The following NELFA variants were observed in gnomAD, a reference collection of about 807,000 sequenced individuals.
NELFA encodes negative elongation factor complex member A.
A neutral mutation model predicts 51.8 loss-of-function variants in NELFA; 35 were observed. The observed-to-expected ratio is 0.68, with a 90% CI of 0.52 to 0.90. NELFA has a LOEUF of 0.90. NELFA is among the 40% of genes least tolerant of loss of function. The pLI, the probability that NELFA is intolerant of heterozygous loss-of-function variation, is 0.00. For missense variants in NELFA, 658 were observed against 746.4 expected, an observed-to-expected ratio of 0.88 and a Z score of 1.38; for synonymous variants, 417 against 338.4, an observed-to-expected ratio of 1.23 and a Z score of -2.55.
chr4:1,985,843 G>A lies in NELFA; in HGVS notation c.857C>T (p.Pro286Leu), dbSNP rs762859564. 6 of 1,613,098 alleles carry A rather than the reference G, an allele frequency of 3.7e-6. No homozygotes were observed. The highest frequency in any genetic ancestry group is 2.2e-5 in the East Asian group (1 of 44,838). ...CTCCACCACCGTTTCCTCCTTGGCCGGCTTCTCCACCACCTCCGCATCTGT... is the reference window on the plus strand; with the variant it reads ...CTCCACCACCGTTTCCTCCTTGGCCAGCTTCTCCACCACCTCCGCATCTGT... ...KTLDAEVVEK[P>L]AKEETVVENA... The change falls in exon 7 of 11, where the codon CCG becomes CTG. Residue 286 changes from proline (P) to leucine (L), a missense_variant. By Grantham distance (98) the Pro-to-Leu change is moderately conservative (BLOSUM62 -3). Transcript: ENST00000382882.
Position 1,983,507 on chromosome 4 carries a change from C to CA in NELFA, c.1403-5dup. On this transcript the variant is annotated splice_polypyrimidine_tract_variant and splice_region_variant and intron_variant, in intron 10 of 10. Transcript: ENST00000382882. ...CCCTGCTCCTGGCACGGGTTCTCTG[C>CA]AGAGAGCAGGAGCTGCTGGGTGGGT... 6.2e-7 allele frequency: 1 copy of CA among 1,613,722 alleles called. No individual in the cohort carries two copies. The highest frequency in any genetic ancestry group is 8.5e-7 in the Non-Finnish European group (1 of 1,179,854).
chr4:1,989,841 C>T lies in NELFA; in HGVS notation c.411G>A (p.Leu137=). Residue 137 remains leucine (L), a synonymous_variant, in exon 3 of 11, where the codon CTG becomes CTA. Transcript: ENST00000382882. The surrounding 1 kb of genome is among the most constrained non-coding windows in gnomAD (Gnocchi z 4.8). The part of the protein sequence containing the change: ...KVGECEASAM[L]PLECQYLNKN... ...TGTTCAAGTACTGGCACTCCAGTGG[C>T]AGCATGGCAGACGCTTCACACTCAC... The T allele has an allele frequency of 3.1e-6, 5 of 1,614,040 alleles. No homozygotes were observed. Among genetic ancestry groups the T allele is most frequent in the Non-Finnish European group, 4.2e-6 (5 of 1,179,988 alleles).
chr4:1,987,558 A>C, intron 4 of NELFA: 1 of 220,082 alleles, frequency 4.5e-6, no homozygotes, highest in Admixed American at 5.9e-5. Context: ...CGAGCTGGGA[A>C]GGCCGAGAGC....
At chr4:2,005,793 C>T (rs756600137) in intron 1 of NELFA, among the ~76,000 whole-genome samples, 1 of 152,096 alleles carries the variant, frequency 6.6e-6, no homozygotes, top group East Asian at 1.9e-4. Flanking sequence ...CCATTTACAA[C>T]GGCATGGAAA....
chr4:1,986,571 G>T, intron 4 of NELFA, 169 bp from the exon 5 acceptor site: 1 of 1,052,588 alleles, frequency 9.5e-7, no homozygotes, highest in Non-Finnish European at 1.4e-6. Flanking sequence ...AAGGAGCAGG[G>T]GAACGCCTGG....
At chr4:1,992,860 C>T (rs1255753159) in intron 1 of NELFA, among the ~76,000 whole-genome samples, 1 of 152,216 alleles carries the variant, frequency 6.6e-6, no homozygotes, top group Non-Finnish European at 1.5e-5. Flanking sequence ...CTGCAGGACA[C>T]CCAGCTGCCC....
rs377387344 is a variant in NELFA at position 1,983,210 on chromosome 4, G to A, written c.*109C>T. 254 of 1,152,188 alleles carry A rather than the reference G, an allele frequency of 2.2e-4. No individual in the cohort carries two copies. Among genetic ancestry groups the A allele is most frequent in the Non-Finnish European group, 2.0e-4 (163 of 817,718 alleles). The allele number at this position is 1,152,188 out of a possible 1,614,324, so 71.4% of individuals were successfully genotyped here. On this transcript the variant is annotated 3_prime_UTR_variant, in exon 11 of 11. Transcript: ENST00000382882. ...CAGGCTGGGTCAGCAGCAGGGCGGC[G>A]GCCGGGGGACCTCGGGGGCCAGGTG...
chr4:1,991,680 G>T lies in NELFA; in HGVS notation c.246C>A (p.Ala82=), dbSNP rs1388296289. 2 of 1,611,638 alleles carry T rather than the reference G, an allele frequency of 1.2e-6. No individual in the cohort carries two copies. Among genetic ancestry groups the T allele is most frequent in the African/African-American group, 1.3e-5 (1 of 74,718 alleles). The change falls in exon 2 of 11, where the codon GCC becomes GCA. Residue 82 remains alanine, a synonymous_variant. Coordinates refer to ENST00000382882, the MANE Select transcript of NELFA (RefSeq NM_005663.5). ...KGALMEIIQL[A]SLDSDPWVLM... ...GCACCCAGGGGTCCGAGTCGAGGCT[G>T]GCGAGCTGGATGATCTCCATTAGGG... is the stretch of plus-strand genomic sequence containing the variant.
rs1728087770 is a variant in NELFA at position 1,986,156 on chromosome 4, C to T, written c.793G>A (p.Val265Ile). 2 of 1,557,042 alleles carry T rather than the reference C, an allele frequency of 1.3e-6. No homozygotes were observed. The highest frequency in any genetic ancestry group is 1.4e-5 in the African/African-American group (1 of 73,468). Residue 265 changes from valine to isoleucine, a missense_variant, in exon 6 of 11, where the codon GTT becomes ATT. Val to Ile is a conservative substitution (Grantham distance 29). Around this residue, in one of 3 missense-constraint regions of NELFA, gnomAD observed 371 missense variants for 448.3 expected, o/e 0.83. Transcript: ENST00000382882. ...CGCTTCGCCTCTCGGCCAGCGCCAA[C>T]CATATCCAGCTCAGAGATGTCCAGC... Reference protein sequence around the residue: ...KLLDISELDMVGAGREAKRRR... With the variant: ...KLLDISELDMIGAGREAKRRR...
chr4:1,986,032 C>T (rs938200010), intron 6 of NELFA, 82 bp downstream of exon 6: 61 of 1,461,400 alleles, frequency 4.2e-5, no homozygotes, highest in Non-Finnish European at 4.5e-5. Flanking sequence ...CCCTGCCCGC[C>T]GAGCGTGGGC....
rs1727949747 is a variant in NELFA, at chr4:1,983,269, A to G, written c.*50T>C. The G allele has an allele frequency of 3.2e-6, 5 of 1,563,466 alleles. No homozygotes were observed. The African/African-American group carries it at 4.1e-5, about 13-fold the overall frequency. On this transcript the variant is annotated 3_prime_UTR_variant, in exon 11 of 11. Coordinates refer to ENST00000382882, the MANE Select transcript of NELFA (RefSeq NM_005663.5). ...CCGGTTACTTTAAGCTGGCAAAGCC[A>G]TCGTCCCGTGGACCCCCACAAGTGA...
intron 1 of NELFA, among the ~76,000 whole-genome samples, chr4:1,994,650 T>A (rs1446446486): frequency 3.3e-5 from 5 of 150,966 alleles, no homozygotes; most frequent in African/African-American, 7.3e-5. Flanking sequence ...GGTCAGGAGA[T>A]TGAGACCATC....
intron 1 of NELFA, among the ~76,000 whole-genome samples, chr4:1,999,522 C>G (rs1423263134): frequency 6.6e-6 from 1 of 151,964 alleles, no homozygotes; most frequent in Non-Finnish European, 1.5e-5. Context: ...AGACTTTAAA[C>G]CAACAAAGAT....
chr4:1,994,577 C>T (rs937506719), intron 1 of NELFA, among the ~76,000 whole-genome samples: 25 of 149,422 alleles, frequency 1.7e-4, no homozygotes, highest in Non-Finnish European at 2.7e-4. Flanking sequence ...AAAAAAAAGC[C>T]GGGCATGGTG....
rs543578558 is a variant in NELFA, at chr4:1,986,910, C to T, written c.635-508G>A. Among the ~76,000 whole-genome samples the T allele has an allele frequency of 2.6e-5, 4 of 152,286 alleles. No individual in the cohort carries two copies. In the East Asian group the frequency reaches 5.8e-4, roughly 22 times the overall value. On this transcript the variant is annotated intron_variant, in intron 4 of 10. Transcript: ENST00000382882. ...CCGGGGGATGGTGCCATCAGCACACCGGGCCAGGCTGGACACACTGCTCAA... is the reference window on the plus strand; with the variant it reads ...CCGGGGGATGGTGCCATCAGCACACTGGGCCAGGCTGGACACACTGCTCAA...
intron 7 of NELFA, 63 bp from the exon 8 acceptor site, chr4:1,984,982 T>A: frequency 8.1e-7 from 1 of 1,240,706 alleles, no homozygotes; most frequent in Non-Finnish European, 1.1e-6. Flanking sequence ...TGCTAACACA[T>A]GGCCCGACCC....
At chr4:2,007,511 G>A (rs1577633833) in intron 1 of NELFA, among the ~76,000 whole-genome samples, 1 of 152,206 alleles carries the variant, frequency 6.6e-6, no homozygotes, top group African/African-American at 2.4e-5. Flanking sequence ...AAAGACACAT[G>A]CACGCCACAC....
Position 1,983,445 on chromosome 4 carries a change from C to T in NELFA, c.1461G>A (p.Glu487=), listed in dbSNP as rs991661066. The T allele has an allele frequency of 6.2e-7, 1 of 1,614,082 alleles. No individual in the cohort carries two copies. Among genetic ancestry groups the T allele is most frequent in the African/African-American group, 1.3e-5 (1 of 74,934 alleles). Residue 487 remains glutamate (E), a synonymous_variant, in exon 11 of 11, where the codon GAG becomes GAA. Coordinates refer to ENST00000382882, the MANE Select transcript of NELFA (RefSeq NM_005663.5). ...CCTGGCCGTCCGCCTTGGGCAGGTC[C>T]TCCGTGTGCTCGCTCAGCTTGATCT... ...VIQIKLSEHT[E]DLPKADGQGS... is the part of the protein sequence containing the mutation.
chr4:1,993,828 G>T (rs187020106), intron 1 of NELFA, among the ~76,000 whole-genome samples: 1 of 137,258 alleles, frequency 7.3e-6, no homozygotes, highest in African/African-American at 2.8e-5. Context: ...ACAGAGTCTC[G>T]CTGTTGTCGT....
Sources: gnomAD v4.1 joint callset for allele counts (sites outside exome capture counted in the v4.1 genomes callset) on GRCh38, gnomAD v4.1.1 for gene constraint, gnomAD v4.1.1 regional missense constraint, Gnocchi (gnomAD v3.1) non-coding constraint, MANE v1.5 for transcripts, NCBI Gene and HGNC (gene_info 2026-07-23, HGNC 2026-07-21) for gene names.